The following SV2B variants were observed in gnomAD, a reference collection of about 807,000 sequenced individuals.
SV2B encodes the protein solute carrier family 22 member B2.
In SV2B, 41 loss-of-function variants were observed where a neutral mutation model predicts 73.9. The ratio of observed to expected loss-of-function variants is 0.56; its 90% CI spans 0.43 to 0.72. The LOEUF is 0.72. Among genes scored for constraint, SV2B ranks in the 30% least tolerant of loss-of-function variants. SV2B has a pLI of 0.00. For synonymous variants in SV2B, 314 were observed against 314.2 expected (o/e 1.00, Z 0.01); for missense variants, 764 against 857.8 (o/e 0.89, Z 1.37).
chr15:91,278,253 T>C (rs917379625), intron 9 of SV2B, among the ~76,000 whole-genome samples: 1 of 152,150 alleles, frequency 6.6e-6, no homozygotes, highest in Non-Finnish European at 1.5e-5. Context: ...CCCTATTTTA[T>C]AGATTTTTTT....
intron 1 of SV2B, among the ~76,000 whole-genome samples, chr15:91,174,848 G>A (rs993806993): frequency 3.9e-5 from 6 of 152,228 alleles, no homozygotes; most frequent in African/African-American, 7.2e-5. Context: ...GATTCAGCTG[G>A]AGGGACAGAC....
At chr15:91,208,087 A>G (rs78546717) in intron 1 of SV2B, among the ~76,000 whole-genome samples, 1,827 of 152,242 alleles carry the variant, frequency 0.012, 46 homozygotes, top group East Asian at 0.12. Flanking sequence ...CCAAGGTGCC[A>G]TATTTTTGGG....
chr15:91,238,917 C>T (rs369546631), intron 2 of SV2B, among the ~76,000 whole-genome samples: 1 of 152,028 alleles, frequency 6.6e-6, no homozygotes, highest in South Asian at 2.1e-4. Context: ...CGGTGGAGCT[C>T]ATGACTGCCA....
At chr15:91,100,009 AG>A (rs2041676242), upstream of SV2B, 1 of 152,286 alleles carries the variant, frequency 6.6e-6, no homozygotes. This position sits in a 1 kb window ranked among gnomAD's most constrained non-coding sequence, Gnocchi z 6.4. Context: ...CTTCCCTCTG[AG>A]CTATCTCCAC....
chr15:91,256,489 G>A (rs2047695037), intron 4 of SV2B, among the ~76,000 whole-genome samples: 1 of 152,212 alleles, frequency 6.6e-6, no homozygotes, highest in South Asian at 2.1e-4. Context: ...TGACTGCTGT[G>A]TGGTTTCGAT....
intron 1 of SV2B, among the ~76,000 whole-genome samples, chr15:91,211,124 C>T (rs1335271167): frequency 1.3e-5 from 2 of 152,190 alleles, no homozygotes; most frequent in African/African-American, 4.8e-5. Flanking sequence ...AAATCAACGG[C>T]AGTAGTTTCG....
At chr15:91,207,766 G>A (rs2045697925) in intron 1 of SV2B, among the ~76,000 whole-genome samples, 1 of 152,178 alleles carries the variant, frequency 6.6e-6, no homozygotes, top group African/African-American at 2.4e-5. Context: ...TCATGCAGAA[G>A]TATGATTGGA....
In SV2B at chr15:91,228,900, T is replaced by C. The variant is rs8034404; in HGVS notation, c.451+2186T>C. ...AATTTCCACACGCTGTCACATGGAA[T>C]CTTCAGAGTCACCATGTCGGTTAGA... On this transcript the variant is annotated intron_variant, in intron 2 of 12. Transcript: ENST00000394232. Among the ~76,000 whole-genome samples the C allele has an allele frequency of 2.7e-3, 405 of 152,350 alleles. 2 individuals are homozygous for C. The highest frequency in any genetic ancestry group is 8.9e-3 in the African/African-American group (372 of 41,580).
chr15:91,101,928 C>G (rs2041739174), intron 1 of SV2B: 1 of 152,124 alleles, frequency 6.6e-6, no homozygotes, highest in Non-Finnish European at 1.5e-5. Context: ...GGTTTTGAAG[C>G]AACACTTCAC....
chr15:91,130,293 T>G lies in SV2B; in HGVS notation c.-392+29930T>G, dbSNP rs1300332947. ...TGTTGGAGGAATACTGAATTCCATA[T>G]TGGGCTCTCTTGAGTGAACAGGCTC... On this transcript the variant is annotated intron_variant, in intron 1 of 12. Coordinates refer to ENST00000394232, the MANE Select transcript of SV2B (RefSeq NM_001323032.3). This position sits in a 1 kb window ranked among gnomAD's most constrained non-coding sequence, Gnocchi z 5.6. Among the ~76,000 whole-genome samples the G allele has an allele frequency of 1.3e-5, 2 of 152,134 alleles. No homozygotes were observed. The highest frequency in any genetic ancestry group is 4.8e-5 in the African/African-American group (2 of 41,434).
At chr15:91,167,138 A>G in intron 1 of SV2B, among the ~76,000 whole-genome samples, 1 of 151,998 alleles carries the variant, frequency 6.6e-6, no homozygotes, top group East Asian at 1.9e-4. Context: ...CTGTGCTGAG[A>G]ATTTCTTTCA....
At chr15:91,150,969 T>C (rs1418059418) in intron 1 of SV2B, among the ~76,000 whole-genome samples, 3 of 152,322 alleles carry the variant, frequency 2.0e-5, no homozygotes, top group Admixed American at 1.3e-4. Flanking sequence ...ATGATTATGA[T>C]GAAAGAAACC....
chr15:91,219,668 T>C (rs956751883), intron 1 of SV2B, among the ~76,000 whole-genome samples: 1 of 152,168 alleles, frequency 6.6e-6, no homozygotes, highest in Admixed American at 6.5e-5. Flanking sequence ...AGTGTTCAAT[T>C]TGATGATTTT....
At chr15:91,157,190 A>C (rs1447308457) in intron 1 of SV2B, among the ~76,000 whole-genome samples, 1 of 152,170 alleles carries the variant, frequency 6.6e-6, no homozygotes, top group East Asian at 1.9e-4. Flanking sequence ...AGTCTGCAGA[A>C]CCTTCCGGGA....
At chr15:91,247,333 G>GT (rs1174054378) in intron 2 of SV2B, among the ~76,000 whole-genome samples, 1 of 152,186 alleles carries the variant, frequency 6.6e-6, no homozygotes, top group Non-Finnish European at 1.5e-5. Flanking sequence ...AACTTGTAAA[G>GT]TTTTTCAATT....
intron 1 of SV2B, among the ~76,000 whole-genome samples, chr15:91,133,655 T>A (rs989272542): frequency 2.0e-5 from 3 of 152,160 alleles, no homozygotes; most frequent in Non-Finnish European, 4.4e-5. Context: ...GCTCGCTGGC[T>A]GCTGTCTGGA....
rs572598662 is a variant in SV2B at position 91,223,949 on chromosome 15, C to T, written c.-391-1924C>T. On this transcript the variant is annotated intron_variant, in intron 1 of 12. Coordinates refer to ENST00000394232, the MANE Select transcript of SV2B (RefSeq NM_001323032.3). The surrounding 1 kb of genome is among the most constrained non-coding windows in gnomAD (Gnocchi z 4.6). The stretch of plus-strand genomic sequence containing the variant: ...GATTCAGTGTCTTTCAGGGAGGGGT[C>T]CTGGAATTGGCATTTCTGTTGAGCC... Among the ~76,000 whole-genome samples the T allele has an allele frequency of 9.2e-5, 14 of 152,274 alleles. No homozygotes were observed. In the South Asian group the frequency reaches 2.9e-3, roughly 32 times the overall value.
At position 91,281,477 on chromosome 15, in the gene SV2B, CT is replaced by C. The variant is rs2048679195; in HGVS notation, c.1374-248del. 6.6e-6 allele frequency among the ~76,000 whole-genome samples: 1 copy of C among 152,186 alleles called. No individual in the cohort carries two copies. The highest frequency in any genetic ancestry group is 1.5e-5 in the Non-Finnish European group (1 of 68,030). On this transcript the variant is annotated intron_variant, in intron 9 of 12. Coordinates refer to ENST00000394232, the MANE Select transcript of SV2B (RefSeq NM_001323032.3). This position sits in a 1 kb window ranked among gnomAD's most constrained non-coding sequence, Gnocchi z 4.7. Reference sequence around the variant, plus strand: ...TGACTTAGAAGGTCCGTGGACCTGCCTTTGAAAACCAGCAGGTTGGTGCATA... The same window carrying C: ...TGACTTAGAAGGTCCGTGGACCTGCCTTGAAAACCAGCAGGTTGGTGCATA...
intron 1 of SV2B, among the ~76,000 whole-genome samples, chr15:91,170,308 G>T (rs1366973525): frequency 1.3e-5 from 2 of 151,942 alleles, no homozygotes; most frequent in Non-Finnish European, 2.9e-5. Context: ...TTTTTTTTGA[G>T]ATGGAGTCTC....
Sources: gnomAD v4.1 joint callset for allele counts (sites outside exome capture counted in the v4.1 genomes callset) on GRCh38, gnomAD v4.1.1 for gene constraint, Gnocchi (gnomAD v3.1) non-coding constraint, MANE v1.5 for transcripts, NCBI Gene and HGNC (gene_info 2026-07-23, HGNC 2026-07-21) for gene names.